The following UBE2W variants were observed in gnomAD, a reference collection of about 807,000 sequenced individuals.
The protein encoded by UBE2W is ubiquitin conjugating enzyme E2 W.
Under a neutral mutation model 27.2 loss-of-function variants are expected in UBE2W, and 18 were observed. The observed-to-expected ratio is 0.66, with a 90% confidence interval of 0.46 to 0.98. UBE2W has a LOEUF of 0.98. Ranked by LOEUF, UBE2W falls within the 50% of genes least tolerant of loss-of-function variation. UBE2W has a pLI of 0.00. For missense variants in UBE2W, 90 were observed against 180.2 expected (o/e 0.50, Z 2.87); for synonymous variants, 53 against 57.2 (o/e 0.93, Z 0.33).
chr8:73,857,470 A>G (rs1268828823), intron 1 of UBE2W, among the ~76,000 whole-genome samples: 1 of 151,816 alleles, frequency 6.6e-6, no homozygotes. Context: ...ATGTAAGAGT[A>G]TGTAAGATCA....
chr8:73,878,452 G>C (rs1175049264), intron 1 of UBE2W, among the ~76,000 whole-genome samples: 1 of 152,224 alleles, frequency 6.6e-6, no homozygotes, highest in East Asian at 1.9e-4. Flanking sequence ...GACAGCGGGG[G>C]TAAAGGCAAC....
chr8:73,817,315 G>A (rs1007813669), intron 3 of UBE2W, among the ~76,000 whole-genome samples: 2 of 152,190 alleles, frequency 1.3e-5, no homozygotes, highest in East Asian at 1.9e-4. Context: ...GTGACAGGGC[G>A]CAACTCCATC....
chr8:73,791,574 T>A lies in UBE2W; in HGVS notation c.*2528A>T. ...GCATTACAGAGAAATATTCTTTTTA[T>A]TATTACAAGCCATTAATTGCTCTCT... On this transcript the variant is annotated 3_prime_UTR_variant, in exon 6 of 6. Transcript: ENST00000602593. 1 of 985,216 alleles carries A rather than the reference T, an allele frequency of 1.0e-6. No homozygotes were observed. Among genetic ancestry groups the A allele is most frequent in the Non-Finnish European group, 1.2e-6 (1 of 829,760 alleles). The allele number at this position is 985,216 out of a possible 1,614,324, so 61.0% of individuals were successfully genotyped here.
At chr8:73,802,556 G>A (rs925643167) in intron 5 of UBE2W, among the ~76,000 whole-genome samples, 1 of 150,274 alleles carries the variant, frequency 6.7e-6, no homozygotes, top group African/African-American at 2.5e-5. Context: ...TCTCCAGAGA[G>A]CTGATACCCA....
intron 1 of UBE2W, among the ~76,000 whole-genome samples, chr8:73,858,790 T>C (rs1811411180): frequency 6.6e-6 from 1 of 151,998 alleles, no homozygotes; most frequent in South Asian, 2.1e-4. Flanking sequence ...GTCTTAACTT[T>C]CTGTTACTTG....
At chr8:73,876,056 C>CA (rs1339761827) in intron 1 of UBE2W, among the ~76,000 whole-genome samples, 1 of 151,918 alleles carries the variant, frequency 6.6e-6, no homozygotes, top group Non-Finnish European at 1.5e-5. Context: ...CATCTCAACA[C>CA]AAAAAACAAG....
At chr8:73,833,198 A>G (rs1459971287) in intron 1 of UBE2W, among the ~76,000 whole-genome samples, 1 of 150,840 alleles carries the variant, frequency 6.6e-6, no homozygotes, top group African/African-American at 2.4e-5. Context: ...AAAAAAAAAA[A>G]AAAAAAAAAA....
chr8:73,834,560 T>A (rs577020401), intron 1 of UBE2W, among the ~76,000 whole-genome samples: 76 of 152,278 alleles, frequency 5.0e-4, no homozygotes, highest in Middle Eastern at 3.4e-3. Flanking sequence ...GAGAATTGTT[T>A]GAGTCTAGAA....
intron 2 of UBE2W, among the ~76,000 whole-genome samples, chr8:73,826,187 A>G (rs563107952): frequency 8.5e-5 from 13 of 152,336 alleles, no homozygotes; most frequent in African/African-American, 3.1e-4. Flanking sequence ...TATGCCATCT[A>G]TGCAAGCCTT....
chr8:73,845,135 G>T (rs1810734988), intron 1 of UBE2W, among the ~76,000 whole-genome samples: 1 of 151,482 alleles, frequency 6.6e-6, no homozygotes, highest in South Asian at 2.1e-4. Flanking sequence ...CTGGGAGGTG[G>T]TGGGCGCCTC....
chr8:73,839,726 G>GT (rs149185338), intron 1 of UBE2W, among the ~76,000 whole-genome samples: 4,274 of 123,104 alleles, frequency 0.035, 131 homozygotes, highest in African/African-American at 0.066. Context: ...TTCTTTTTTG[G>GT]TTTTTTTTTT....
At chr8:73,851,047 C>T (rs965372399) in intron 1 of UBE2W, among the ~76,000 whole-genome samples, 3 of 151,828 alleles carry the variant, frequency 2.0e-5, no homozygotes, top group Admixed American at 6.6e-5. Context: ...GATAGGATTG[C>T]GCCATGTTGC....
chr8:73,781,627 T>G (rs1037996403), downstream of UBE2W, among the ~76,000 whole-genome samples: 4 of 151,204 alleles, frequency 2.6e-5, no homozygotes, highest in African/African-American at 9.7e-5. Flanking sequence ...GGGTTTTTTT[T>G]TTTTTTTTTT....
At chr8:73,804,062 G>A (rs913966632) in intron 5 of UBE2W, among the ~76,000 whole-genome samples, 39 of 151,700 alleles carry the variant, frequency 2.6e-4, no homozygotes, top group Admixed American at 5.3e-4. Context: ...CACCACGCCC[G>A]GCCACTTCTT....
intron 3 of UBE2W, among the ~76,000 whole-genome samples, chr8:73,812,711 T>C (rs1809199134): frequency 6.6e-6 from 1 of 152,106 alleles, no homozygotes; most frequent in African/African-American, 2.4e-5. Flanking sequence ...ACAATTATTT[T>C]TTTAAAAGAT....
intron 4 of UBE2W, among the ~76,000 whole-genome samples, chr8:73,810,169 G>A (rs1362692295): frequency 6.6e-6 from 1 of 152,078 alleles, no homozygotes; most frequent in Non-Finnish European, 1.5e-5. Context: ...AGAATTTCTT[G>A]TATACTTTTA....
intron 1 of UBE2W, among the ~76,000 whole-genome samples, chr8:73,868,567 T>C (rs532804203): frequency 2.6e-5 from 4 of 152,278 alleles, no homozygotes; most frequent in African/African-American, 9.6e-5. Context: ...ACACAAGTCG[T>C]GGGTAACCTG....
chr8:73,827,434 G>A (rs1029084744), intron 2 of UBE2W, among the ~76,000 whole-genome samples: 4 of 151,972 alleles, frequency 2.6e-5, no homozygotes, highest in African/African-American at 7.3e-5. Context: ...GGCTGGTCTC[G>A]AACTCCCGAA....
intron 1 of UBE2W, among the ~76,000 whole-genome samples, chr8:73,877,992 CTGGGAATAAGGGCAAAGAGA>C (rs1812305648): frequency 6.6e-6 from 1 of 151,520 alleles, no homozygotes; most frequent in South Asian, 2.1e-4. Context: ...CACTAAAGGT[CTGGGAATAAGGGCAAAGAGA>C]TGTATAGCCT....
Sources: gnomAD v4.1 joint callset for allele counts (sites outside exome capture counted in the v4.1 genomes callset) on GRCh38, gnomAD v4.1.1 for gene constraint, MANE v1.5 for transcripts, NCBI Gene and HGNC (gene_info 2026-07-23, HGNC 2026-07-21) for gene names.